SCN10A: variants seen among roughly 807,000 people sequenced by gnomAD.
The protein encoded by SCN10A is sodium voltage-gated channel alpha subunit 10.
A neutral mutation model predicts 170.7 loss-of-function variants in SCN10A; 162 were observed. The observed-to-expected ratio is 0.95, with a 90% CI of 0.84 to 1.08. SCN10A has a LOEUF of 1.08. SCN10A is among the 50% of genes least tolerant of loss of function. SCN10A has a pLI of 0.00. For missense variants in SCN10A, 2,527 were observed against 2,436.9 expected (o/e 1.04, Z -0.78); for synonymous variants, 985 against 904.6 (o/e 1.09, Z -1.59).
chr3:38,718,916 AC>A, intron 20 of SCN10A, 90 bp from the exon 21 acceptor site: 1 of 1,242,092 alleles, frequency 8.1e-7, no homozygotes, highest in Non-Finnish European at 1.1e-6. Flanking sequence ...GCCAGCCCTG[AC>A]CACAGTCCCT....
chr3:38,735,410 T>C (rs1325873493), intron 15 of SCN10A, among the ~76,000 whole-genome samples: 2 of 152,204 alleles, frequency 1.3e-5, no homozygotes, highest in African/African-American at 2.4e-5. Flanking sequence ...TGGAAACATT[T>C]TTAAACTTTA....
At chr3:38,702,809 C>A (rs1404641087) in intron 26 of SCN10A, among the ~76,000 whole-genome samples, 1 of 152,172 alleles carries the variant, frequency 6.6e-6, no homozygotes, top group East Asian at 1.9e-4. Flanking sequence ...TGGAAGGAGG[C>A]AGAGTGGCCT....
At chr3:38,732,972 A>G (rs369970181) in intron 15 of SCN10A, among the ~76,000 whole-genome samples, 2 of 152,342 alleles carry the variant, frequency 1.3e-5, no homozygotes, top group African/African-American at 2.4e-5. Context: ...AAATTTTCCA[A>G]TTAAATGAAA....
At chr3:38,802,893 C>A (rs1345613491) in intron 1 of SCN10A, among the ~76,000 whole-genome samples, 2 of 152,140 alleles carry the variant, frequency 1.3e-5, no homozygotes, top group Non-Finnish European at 2.9e-5. Flanking sequence ...TTTTTGCAAT[C>A]TACTCATCTG....
At chr3:38,813,666 T>C (rs72869634) in intron 1 of SCN10A, among the ~76,000 whole-genome samples, 2,495 of 152,244 alleles carry the variant, frequency 0.016, 49 homozygotes, top group African/African-American at 0.056. Flanking sequence ...CATGAACTAG[T>C]TCATAAAACA....
At chr3:38,785,326 C>T (rs966245895) in intron 4 of SCN10A, among the ~76,000 whole-genome samples, 5 of 152,048 alleles carry the variant, frequency 3.3e-5, no homozygotes, top group African/African-American at 7.2e-5. Context: ...GAAGTAACAC[C>T]GCATATCTAC....
intron 25 of SCN10A, among the ~76,000 whole-genome samples, 174 bp downstream of exon 25, chr3:38,709,304 G>A (rs1430002950): frequency 6.6e-6 from 1 of 152,202 alleles, no homozygotes; most frequent in Non-Finnish European, 1.5e-5. Flanking sequence ...TGCTGACAGA[G>A]AGAAATGCAA....
chr3:38,791,249 T>C (rs932260387), intron 3 of SCN10A, among the ~76,000 whole-genome samples: 4 of 152,194 alleles, frequency 2.6e-5, no homozygotes, highest in Non-Finnish European at 5.9e-5. Flanking sequence ...CCAAGGATCT[T>C]AGGTCATTAG....
chr3:38,719,367 CT>C (rs555646896), intron 20 of SCN10A, among the ~76,000 whole-genome samples: 23 of 69,130 alleles, frequency 3.3e-4, no homozygotes, highest in Non-Finnish European at 5.7e-4. Context: ...GGCTGCCACT[CT>C]TTTTTTTTTT....
intron 1 of SCN10A, among the ~76,000 whole-genome samples, chr3:38,797,585 C>A (rs577424436): frequency 5.3e-4 from 81 of 152,280 alleles, no homozygotes; most frequent in Admixed American, 1.1e-3. Context: ...ATGCAATGAC[C>A]ATTCAAACAC....
intron 8 of SCN10A, among the ~76,000 whole-genome samples, chr3:38,757,520 A>G (rs1229774651): frequency 6.6e-6 from 1 of 152,234 alleles, no homozygotes; most frequent in African/African-American, 2.4e-5. Flanking sequence ...AGAGTTGTCT[A>G]TCAAGGGAGG....
intron 1 of SCN10A, among the ~76,000 whole-genome samples, chr3:38,803,887 GCTGT>G (rs2126065054): frequency 6.6e-6 from 1 of 152,202 alleles, no homozygotes; most frequent in Non-Finnish European, 1.5e-5. Flanking sequence ...CTGAAGTATA[GCTGT>G]CTAATTCTCA....
At chr3:38,746,795 C>A (rs531765618) in intron 13 of SCN10A, among the ~76,000 whole-genome samples, 40 of 152,308 alleles carry the variant, frequency 2.6e-4, no homozygotes, top group African/African-American at 9.4e-4. Context: ...CCTGCACTTC[C>A]TCTTTAAGGC....
chr3:38,790,850 C>A (rs2064272211), intron 3 of SCN10A, among the ~76,000 whole-genome samples: 1 of 152,134 alleles, frequency 6.6e-6, no homozygotes, highest in African/African-American at 2.4e-5. Context: ...AAGTATTTAG[C>A]AAGTGAGAGA....
At chr3:38,763,912 G>A (rs1396324806) in intron 5 of SCN10A, among the ~76,000 whole-genome samples, 1 of 152,186 alleles carries the variant, frequency 6.6e-6, no homozygotes, top group African/African-American at 2.4e-5. Flanking sequence ...ATGTCAGGGG[G>A]GTACAAGGCT....
intron 26 of SCN10A, among the ~76,000 whole-genome samples, chr3:38,703,904 T>A (rs575929383): frequency 3.9e-5 from 6 of 152,238 alleles, no homozygotes; most frequent in African/African-American, 1.4e-4. Context: ...GGTGTCTGCA[T>A]AGTGCCTGGC....
Position 38,712,387 on chromosome 3 carries a change from C to T in SCN10A, c.3863G>A (p.Cys1288Tyr), listed in dbSNP as rs2063284766. 5 of 1,614,202 alleles carry T rather than the reference C, an allele frequency of 3.1e-6. No individual in the cohort carries two copies. The highest frequency in any genetic ancestry group is 4.2e-6 in the Non-Finnish European group (5 of 1,180,028). Residue 1288 changes from cysteine to tyrosine, a missense_variant, in exon 23 of 28, where the codon TGC (cysteine) becomes TAC (tyrosine). By Grantham distance (194) the Cys-to-Tyr change is radical (BLOSUM62 -2). Coordinates refer to ENST00000449082, the MANE Select transcript of SCN10A (RefSeq NM_006514.4). ...GCTGAAGATGAGCCAGAAGATGAGG[C>T]AGACGAGGAGGACATTCATGATGGA... is the stretch of plus-strand genomic sequence containing the variant. ...IPSIMNVLLV[C>Y]LIFWLIFSIM... is the part of the protein sequence containing the mutation.
In SCN10A at chr3:38,710,884, C is replaced by A; in HGVS notation, c.4103G>T (p.Gly1368Val). ...AGCTGCATACATAATGTCCATCCAG[C>A]CTTTAAAGGTTGCCTGGAGACAAGG... The part of the protein sequence containing the change: ...LALLQVATFK[G>V]WMDIMYAAVD... The change falls in exon 24 of 28, where the codon GGC becomes GTC. Residue 1368 changes from glycine (G) to valine (V), a missense_variant. Physicochemically the swap from Gly to Val is moderately radical, Grantham distance 109. Coordinates refer to ENST00000449082, the MANE Select transcript of SCN10A (RefSeq NM_006514.4). 1 of 1,613,776 alleles carries A rather than the reference C, an allele frequency of 6.2e-7. No individual in the cohort carries two copies. The highest frequency in any genetic ancestry group is 8.5e-7 in the Non-Finnish European group (1 of 1,179,844).
At chr3:38,784,627 G>A (rs756030608) in intron 4 of SCN10A, among the ~76,000 whole-genome samples, 3 of 152,052 alleles carry the variant, frequency 2.0e-5, no homozygotes, top group African/African-American at 4.8e-5. Context: ...GGAAGTTCTG[G>A]CCAGGGCGAT....
Sources: allele counts gnomAD v4.1 joint callset (sites outside exome capture counted in the v4.1 genomes callset), GRCh38; gene constraint gnomAD v4.1.1; transcripts MANE v1.5; gene names NCBI Gene and HGNC (gene_info 2026-07-23, HGNC 2026-07-21).